Variants in TBC1D2 observed in about 807,000 individuals in gnomAD.
TBC1D2 encodes TBC1 domain family member 2, also known as TBC1 domain family member 2A.
Under a neutral mutation model 91.1 loss-of-function variants are expected in TBC1D2, and 58 were observed. The ratio of observed to expected loss-of-function variants is 0.64; its 90% CI spans 0.52 to 0.79. The LOEUF (loss-of-function observed/expected upper bound fraction) is 0.79, where lower values mean the gene tolerates loss of function less well. Among genes scored for constraint, TBC1D2 ranks in the 30% least tolerant of loss-of-function variants. The pLI, the probability that TBC1D2 is intolerant of heterozygous loss-of-function variation, is 0.00. For synonymous variants in TBC1D2, 482 were observed against 511.5 expected, an observed-to-expected ratio of 0.94 and a Z score of 0.78; for missense variants, 1,080 against 1,208.3, an observed-to-expected ratio of 0.89 and a Z score of 1.57.
intron 2 of TBC1D2, among the ~76,000 whole-genome samples, chr9:98,248,371 G>A (rs1268267805): frequency 6.6e-6 from 1 of 152,238 alleles, no homozygotes; most frequent in Non-Finnish European, 1.5e-5. Flanking sequence ...CCCTCCATGA[G>A]TGACCACACA....
In TBC1D2 at chr9:98,200,249, T is replaced by C. The variant is rs1455472643; in HGVS notation, c.2579+4A>G. 2 of 1,613,452 alleles carry C rather than the reference T, an allele frequency of 1.2e-6. No individual in the cohort carries two copies. Among genetic ancestry groups the C allele is most frequent in the Non-Finnish European group, 1.7e-6 (2 of 1,179,856 alleles). ...GGGAGTGGCAGGGGGTGGGGGTTCC[T>C]CACCGGCTGTTGGAGATGGTCTTGG... On this transcript the variant is annotated splice_donor_region_variant and intron_variant, in intron 12 of 12. Coordinates refer to ENST00000465784, the MANE Select transcript of TBC1D2 (RefSeq NM_001267571.2).
At chr9:98,242,238 G>C (rs564083908) in intron 3 of TBC1D2, among the ~76,000 whole-genome samples, 1 of 152,112 alleles carries the variant, frequency 6.6e-6, no homozygotes, top group Admixed American at 6.5e-5. Flanking sequence ...TCAGGAGTTT[G>C]AGACCAGCCT....
chr9:98,202,502 C>A (rs1828534942), intron 10 of TBC1D2, among the ~76,000 whole-genome samples: 2 of 152,212 alleles, frequency 1.3e-5, no homozygotes. Context: ...GGGTCATCTA[C>A]CGAGGCCAAG....
At position 98,251,276 on chromosome 9, in the gene TBC1D2, G is replaced by A. The variant is rs138861911; in HGVS notation, c.511+509C>T. On this transcript the variant is annotated intron_variant, in intron 2 of 12. Coordinates refer to ENST00000465784, the MANE Select transcript of TBC1D2 (RefSeq NM_001267571.2). ...ATTGCACTCCAGCCTGGGCAACAGA[G>A]TGAGACTCCATCTCAAAAAAAAAAA... is the stretch of plus-strand genomic sequence containing the variant. 7.8e-3 allele frequency among the ~76,000 whole-genome samples: 1,189 copies of A among 151,598 alleles called. 18 individuals carry two copies. Among genetic ancestry groups the A allele is most frequent in the African/African-American group, 0.027 (1,115 of 41,130 alleles).
intron 3 of TBC1D2, among the ~76,000 whole-genome samples, chr9:98,238,938 G>GTCTCA (rs1376267135): frequency 3.9e-5 from 6 of 152,006 alleles, no homozygotes; most frequent in Non-Finnish European, 8.8e-5. Context: ...GGCCAGGCTG[G>GTCTCA]TCTCAAACTC....
chr9:98,236,340 C>T (rs1229301487), intron 3 of TBC1D2, among the ~76,000 whole-genome samples: 1 of 151,998 alleles, frequency 6.6e-6, no homozygotes, highest in Admixed American at 6.6e-5. Context: ...TCTCCTGCCT[C>T]AGCCTGCCGA....
In TBC1D2 at chr9:98,251,884, G is replaced by T; in HGVS notation, c.412C>A (p.Gln138Lys). The change falls in exon 2 of 13, where the codon CAG becomes AAG. Residue 138 changes from glutamine to lysine, a missense_variant. Physicochemically the swap from Gln to Lys is moderately conservative, Grantham distance 53. Transcript: ENST00000465784. The stretch of plus-strand genomic sequence containing the variant: ...TTGTGGAATTCCCAGCGCTTCATCT[G>T]CAGCTGCTGCAGCCAGTACAGCATC... ...QAMLYWLQQL[Q>K]MKRWEFHNSP... is the part of the protein sequence containing the mutation. 1 of 1,601,910 alleles carries T rather than the reference G, an allele frequency of 6.2e-7. No individual in the cohort carries two copies.
intron 2 of TBC1D2, among the ~76,000 whole-genome samples, chr9:98,247,692 G>A (rs549315791): frequency 8.0e-6 from 1 of 125,338 alleles, no homozygotes; most frequent in Admixed American, 9.8e-5. Flanking sequence ...TCGCGCCACT[G>A]TACTCCAGCC....
At position 98,208,956 on chromosome 9, in the gene TBC1D2, A is replaced by G; in HGVS notation, c.1862T>C (p.Leu621Pro). ...TTCACGGGGTACTCCTGCCCGCAGT[A>G]GCTGCTTGAGCTCGGCTGAGGGCAC... is the stretch of plus-strand genomic sequence containing the variant. ...DLVPSAELKQ[L>P]LRAGVPREHR... is the part of the protein sequence containing the mutation. Residue 621 changes from leucine (L) to proline (P), a missense_variant, in exon 9 of 13, where the codon CTA becomes CCA. Transcript: ENST00000465784. 6.2e-7 allele frequency: 1 copy of G among 1,614,100 alleles called. No homozygotes were observed. The highest frequency in any genetic ancestry group is 8.5e-7 in the Non-Finnish European group (1 of 1,180,002).
In TBC1D2 at chr9:98,255,421, G is replaced by A; in HGVS notation, c.121C>T (p.Leu41=). 6.2e-7 allele frequency: 1 copy of A among 1,611,896 alleles called. No homozygotes were observed. The highest frequency in any genetic ancestry group is 1.1e-5 in the South Asian group (1 of 90,940). ...EEESGDCARS[L]EAVPKKLCGY... is the part of the protein sequence containing the mutation. Reference sequence around the variant, plus strand: ...CAGAGTTTCTTGGGGACCGCCTCCAGGGACCGGGCGCAGTCCCCCGATTCT... The same window carrying A: ...CAGAGTTTCTTGGGGACCGCCTCCAAGGACCGGGCGCAGTCCCCCGATTCT... Residue 41 remains leucine (L), a synonymous_variant, in exon 1 of 13, where the codon CTG becomes TTG. Coordinates refer to ENST00000465784, the MANE Select transcript of TBC1D2 (RefSeq NM_001267571.2).
chr9:98,243,928 T>C (rs10818666), intron 3 of TBC1D2, 66 bp downstream of exon 3: 409,993 of 1,555,318 alleles, frequency 0.26, 54,984 homozygotes, highest in Middle Eastern at 0.28. Flanking sequence ...AGAATCACAG[T>C]GGGTCAAGCT....
intron 11 of TBC1D2, among the ~76,000 whole-genome samples, chr9:98,200,659 A>C (rs1220363840): frequency 1.3e-5 from 2 of 152,188 alleles, no homozygotes; most frequent in Non-Finnish European, 2.9e-5. Context: ...TGGGTGAGGC[A>C]CGGCCCCTGT....
chr9:98,199,328 G>C lies in TBC1D2; in HGVS notation c.*53C>G, dbSNP rs1278658068. Reference sequence around the variant, plus strand: ...GCCACTGGTCCGTGCCTGACCTCCAGTGGGTCTGCCAGCCAAGGGTGAGGA... The same window carrying C: ...GCCACTGGTCCGTGCCTGACCTCCACTGGGTCTGCCAGCCAAGGGTGAGGA... On this transcript the variant is annotated 3_prime_UTR_variant, in exon 13 of 13. Coordinates refer to ENST00000465784, the MANE Select transcript of TBC1D2 (RefSeq NM_001267571.2). 2 of 1,603,268 alleles carry C rather than the reference G, an allele frequency of 1.2e-6. No individual in the cohort carries two copies. The highest frequency in any genetic ancestry group is 1.7e-6 in the Non-Finnish European group (2 of 1,173,070).
At chr9:98,246,798 G>A (rs1563990128) in intron 2 of TBC1D2, among the ~76,000 whole-genome samples, 1 of 152,068 alleles carries the variant, frequency 6.6e-6, no homozygotes, top group Non-Finnish European at 1.5e-5. Context: ...CAACAGTAAG[G>A]GGTTTCAGAC....
intron 3 of TBC1D2, among the ~76,000 whole-genome samples, chr9:98,239,378 A>G (rs1829583911): frequency 6.6e-6 from 1 of 152,218 alleles, no homozygotes; most frequent in Non-Finnish European, 1.5e-5. Flanking sequence ...GAGAGGTTTT[A>G]TCACAAAGAG....
At chr9:98,208,562 C>A in intron 9 of TBC1D2, 106 bp downstream of exon 9, 1 of 1,070,420 alleles carries the variant, frequency 9.3e-7, no homozygotes, top group Non-Finnish European at 1.3e-6. Context: ...TCCTGCTGTG[C>A]GGCCCCTTAA....
chr9:98,253,970 G>A (rs1467389495), intron 1 of TBC1D2, among the ~76,000 whole-genome samples: 9 of 152,194 alleles, frequency 5.9e-5, no homozygotes. Flanking sequence ...CCTGCATACA[G>A]CAGTCAACCT....
intron 2 of TBC1D2, among the ~76,000 whole-genome samples, chr9:98,245,431 G>A (rs952168536): frequency 1.1e-4 from 17 of 151,996 alleles, no homozygotes; most frequent in South Asian, 2.1e-4. Context: ...GCTGAGTGTG[G>A]TGGTGCGTGC....
chr9:98,236,827 A>G (rs1350746262), intron 3 of TBC1D2, among the ~76,000 whole-genome samples: 1 of 152,200 alleles, frequency 6.6e-6, no homozygotes. Flanking sequence ...CTTGATGAGT[A>G]TTAAAAACAC....
Sources: allele counts gnomAD v4.1 joint callset (sites outside exome capture counted in the v4.1 genomes callset), GRCh38; gene constraint gnomAD v4.1.1; transcripts MANE v1.5; gene names NCBI Gene and HGNC (gene_info 2026-07-23, HGNC 2026-07-21).